POU2F3: variants seen among roughly 807,000 people sequenced by gnomAD.
POU2F3 encodes POU class 2 homeobox 3, also known as POU domain, class 2, transcription factor 3.
In POU2F3, 23 loss-of-function variants were observed where a neutral mutation model predicts 59.2. The observed-to-expected ratio is 0.39, with a 90% CI of 0.28 to 0.55. POU2F3 has a LOEUF of 0.55. Among genes scored for constraint, POU2F3 ranks in the 20% least tolerant of loss-of-function variants. The probability of loss-of-function intolerance (pLI) is 0.66; values close to 1 mark genes in which losing one functional copy is unlikely to be tolerated. For synonymous variants in POU2F3, 190 were observed against 214.6 expected (o/e 0.89, Z 1.00); for missense variants, 473 against 544.5 (o/e 0.87, Z 1.31).
chr11:120,264,443 G>T (rs1591389633), intron 2 of POU2F3, among the ~76,000 whole-genome samples: 1 of 152,206 alleles, frequency 6.6e-6, no homozygotes, highest in Non-Finnish European at 1.5e-5. Context: ...CTTTGGATAA[G>T]CTTCTTGGAG....
rs1940348164 is a variant in POU2F3 at position 120,276,833 on chromosome 11, G to A, written c.132+7589G>A. ...AACACATCCACTAGGCACAGATAGA[G>A]CCGGCAGAAAACAGACCTGAAAGCA... On this transcript the variant is annotated intron_variant, in intron 3 of 12. Coordinates refer to ENST00000543440, the MANE Select transcript of POU2F3 (RefSeq NM_014352.4). 2.0e-5 allele frequency among the ~76,000 whole-genome samples: 3 copies of A among 152,104 alleles called. No homozygotes were observed. The South Asian group carries it at 6.2e-4, about 32-fold the overall frequency.
rs35186745 is a variant in POU2F3, at chr11:120,264,190, TACACAC to T, written c.98-4982_98-4977del. 7.3e-3 allele frequency among the ~76,000 whole-genome samples: 978 copies of T among 133,100 alleles called. 29 individuals carry two copies. The East Asian group carries it at 0.087, about 12-fold the overall frequency. The allele number at this position is 133,100 out of a possible 152,430, so 87.3% of individuals were successfully genotyped here. ...GCCTAGGTAACATGATAAGACCTCA[TACACAC>T]ACACACACACACACACACACACACA... On this transcript the variant is annotated intron_variant, in intron 2 of 12. Transcript: ENST00000543440.
rs111385542 is a variant in POU2F3, at chr11:120,252,167, A to C, written c.97+5650A>C. Among the ~76,000 whole-genome samples, 493 of 144,632 alleles carry C rather than the reference A, an allele frequency of 3.4e-3. 2 individuals carry two copies. The highest frequency in any genetic ancestry group is 0.012 in the Middle Eastern group (3 of 256). The allele number at this position is 144,632 out of a possible 152,430, so 94.9% of individuals were successfully genotyped here. A position where few individuals can be genotyped will look rare whatever the true frequency, so the allele number is the denominator to read the frequency against. ...TTCTTATCTCTCACCTAAGACCCTC[A>C]TGCTGCTGCATAAGCCCATTACCTC... On this transcript the variant is annotated intron_variant, in intron 2 of 12. Coordinates refer to ENST00000543440, the MANE Select transcript of POU2F3 (RefSeq NM_014352.4).
intron 5 of POU2F3, among the ~76,000 whole-genome samples, chr11:120,300,243 G>T (rs1198122990): frequency 1.3e-5 from 2 of 152,256 alleles, no homozygotes; most frequent in Non-Finnish European, 2.9e-5. Context: ...AGAGCAAATA[G>T]ATTGAACTAT....
intron 4 of POU2F3, among the ~76,000 whole-genome samples, chr11:120,299,362 AC>A (rs1941280074): frequency 6.6e-6 from 1 of 152,228 alleles, no homozygotes; most frequent in Admixed American, 6.5e-5. Context: ...ACTGACACAT[AC>A]AAAAATTAAC....
intron 3 of POU2F3, among the ~76,000 whole-genome samples, chr11:120,296,317 T>C (rs368637340): frequency 1.3e-5 from 2 of 152,362 alleles, no homozygotes; most frequent in South Asian, 2.1e-4. Context: ...AAAGGCACCA[T>C]ATTTAGGACA....
intron 4 of POU2F3, among the ~76,000 whole-genome samples, chr11:120,299,233 G>T (rs772932879): frequency 6.6e-6 from 1 of 152,222 alleles, no homozygotes; most frequent in East Asian, 1.9e-4. Context: ...CAGGTGGCAT[G>T]AGATTTAAAA....
chr11:120,260,906 AT>A (rs369110267), intron 2 of POU2F3, among the ~76,000 whole-genome samples: 2,123 of 151,562 alleles, frequency 0.014, 38 homozygotes, highest in African/African-American at 0.047. Flanking sequence ...TGTCTTTACA[AT>A]TTTTTTTTAA....
At chr11:120,236,767 G>A (rs1043787649), upstream of POU2F3, 14 of 1,396,536 alleles carry the variant, frequency 1.0e-5, no homozygotes, top group African/African-American at 1.4e-5. Context: ...CAGTGAGCAA[G>A]TCTGAGAGAG....
chr11:120,305,295 C>A, intron 7 of POU2F3, 83 bp downstream of exon 7: 1 of 1,482,848 alleles, frequency 6.7e-7, no homozygotes, highest in Non-Finnish European at 9.1e-7. Flanking sequence ...TCAAGAGCGA[C>A]CAGAGGCTCG....
intron 3 of POU2F3, among the ~76,000 whole-genome samples, chr11:120,289,003 C>A (rs1448348214): frequency 1.3e-5 from 2 of 152,136 alleles, no homozygotes; most frequent in African/African-American, 4.8e-5. Flanking sequence ...AGACACGTGA[C>A]GTTTTGAATG....
chr11:120,317,017 G>T, intron 11 of POU2F3: 1 of 601,940 alleles, frequency 1.7e-6, no homozygotes. Context: ...CCAGGGCCTG[G>T]GCTGCAGAGA....
intron 3 of POU2F3, among the ~76,000 whole-genome samples, chr11:120,287,179 T>C (rs1032177310): frequency 4.6e-5 from 7 of 152,220 alleles, no homozygotes; most frequent in African/African-American, 1.7e-4. Flanking sequence ...TCACATGATA[T>C]GGTGGAAAGA....
chr11:120,276,256 G>A (rs1034424189), intron 3 of POU2F3, among the ~76,000 whole-genome samples: 3 of 152,224 alleles, frequency 2.0e-5, no homozygotes, highest in Non-Finnish European at 4.4e-5. Context: ...GCACTTAGCT[G>A]ACTATTAGGA....
rs181042651 is a variant in POU2F3 at position 120,257,743 on chromosome 11, G to A, written c.97+11226G>A. 2.2e-3 allele frequency among the ~76,000 whole-genome samples: 330 copies of A among 152,172 alleles called. 1 individual carries two copies. The highest frequency in any genetic ancestry group is 4.3e-3 in the Admixed American group (66 of 15,292). On this transcript the variant is annotated intron_variant, in intron 2 of 12. Coordinates refer to ENST00000543440, the MANE Select transcript of POU2F3 (RefSeq NM_014352.4). ...GGTAACACAGGATTTCTGTAATTCC[G>A]GCCCTGCAGACCTCACAGGCAGGGT...
chr11:120,261,691 C>T (rs1465076363), intron 2 of POU2F3, among the ~76,000 whole-genome samples: 1 of 152,160 alleles, frequency 6.6e-6, no homozygotes, highest in East Asian at 1.9e-4. Flanking sequence ...TTCTTTGGTC[C>T]TCCCTGTGCC....
At chr11:120,261,658 A>T (rs1939609106) in intron 2 of POU2F3, among the ~76,000 whole-genome samples, 1 of 152,182 alleles carries the variant, frequency 6.6e-6, no homozygotes, top group Non-Finnish European at 1.5e-5. Context: ...AACCAACAGG[A>T]CCCAGGGAAA....
chr11:120,305,428 C>A, intron 7 of POU2F3: 1 of 910,300 alleles, frequency 1.1e-6, no homozygotes, highest in Non-Finnish European at 1.6e-6. Context: ...GGGGCTGGCT[C>A]TCCTGAGCAC....
chr11:120,239,836 G>A (rs1232896522), upstream of POU2F3, among the ~76,000 whole-genome samples: 4 of 152,206 alleles, frequency 2.6e-5, no homozygotes, highest in Non-Finnish European at 5.9e-5. Flanking sequence ...TACACTTCGC[G>A]ATCTGTCCAG....
Sources: gnomAD v4.1 joint callset for allele counts (sites outside exome capture counted in the v4.1 genomes callset) on GRCh38, gnomAD v4.1.1 for gene constraint, MANE v1.5 for transcripts, NCBI Gene and HGNC (gene_info 2026-07-23, HGNC 2026-07-21) for gene names.